Variants in MSRB3 observed in about 807,000 individuals in gnomAD.
MSRB3 encodes the protein methionine-R-sulfoxide reductase B3.
Under a neutral mutation model 21.0 loss-of-function variants are expected in MSRB3, and 13 were observed. The observed-to-expected ratio is 0.62, with a 90% confidence interval of 0.40 to 0.98. MSRB3 has a LOEUF of 0.98. Ranked by LOEUF, MSRB3 falls within the 50% of genes least tolerant of loss-of-function variation. MSRB3 has a pLI of 0.00. For missense variants in MSRB3, 199 were observed against 230.3 expected (o/e 0.86, Z 0.88); for synonymous variants, 87 against 88.6 (o/e 0.98, Z 0.10).
At position 65,429,793 on chromosome 12, in the gene MSRB3, A is replaced by G. The variant is rs17765614; in HGVS notation, c.293-23935A>G. 9.1e-3 allele frequency among the ~76,000 whole-genome samples: 1,382 copies of G among 152,288 alleles called. 9 individuals are homozygous for G. The highest frequency in any genetic ancestry group is 0.011 in the Non-Finnish European group (780 of 68,006). ...TCATAATGAATTCAGGATGATGTGA[A>G]TGATGATTGCAGAGGAACTGGATAT... On this transcript the variant is annotated intron_variant, in intron 5 of 6. Coordinates refer to ENST00000308259, the MANE Select transcript of MSRB3 (RefSeq NM_001031679.3).
At chr12:65,433,365 G>GA (rs1189275028) in intron 5 of MSRB3, among the ~76,000 whole-genome samples, 3 of 151,622 alleles carry the variant, frequency 2.0e-5, no homozygotes, top group African/African-American at 7.3e-5. Context: ...AAAACTTCCA[G>GA]AAAAAAACTT....
At chr12:65,432,064 A>C (rs1881902108) in intron 5 of MSRB3, among the ~76,000 whole-genome samples, 1 of 152,032 alleles carries the variant, frequency 6.6e-6, no homozygotes, top group Admixed American at 6.6e-5. Flanking sequence ...GTTATATATT[A>C]TTTGTATTAT....
intron 4 of MSRB3, among the ~76,000 whole-genome samples, chr12:65,334,468 A>G (rs1410092755): frequency 1.3e-5 from 2 of 152,230 alleles, no homozygotes; most frequent in African/African-American, 4.8e-5. Context: ...TTAATATTTT[A>G]TTTTAGTCAC....
chr12:65,323,090 A>G (rs1276836575), intron 2 of MSRB3, among the ~76,000 whole-genome samples: 1 of 152,206 alleles, frequency 6.6e-6, no homozygotes, highest in African/African-American at 2.4e-5. Flanking sequence ...CTCAGAATTC[A>G]CTGTAATCAA....
At chr12:65,310,222 C>A (rs1199148537) in intron 2 of MSRB3, among the ~76,000 whole-genome samples, 1 of 152,028 alleles carries the variant, frequency 6.6e-6, no homozygotes, top group East Asian at 1.9e-4. Flanking sequence ...TCAGTATGCC[C>A]CCTAGCCCCA....
intron 5 of MSRB3, among the ~76,000 whole-genome samples, chr12:65,385,376 G>A (rs989144490): frequency 6.6e-6 from 1 of 151,868 alleles, no homozygotes; most frequent in African/African-American, 2.4e-5. Context: ...TATTATTTGC[G>A]TATTTATTCA....
chr12:65,437,009 G>A (rs1882149138), intron 5 of MSRB3, among the ~76,000 whole-genome samples: 1 of 151,868 alleles, frequency 6.6e-6, no homozygotes, highest in Admixed American at 6.6e-5. Context: ...TAAATGTAAA[G>A]CACTTAGCAT....
intron 5 of MSRB3, among the ~76,000 whole-genome samples, chr12:65,420,724 C>T (rs748780398): frequency 7.2e-5 from 11 of 152,148 alleles, no homozygotes; most frequent in South Asian, 4.1e-4. Flanking sequence ...TGAGAACGTG[C>T]AGTATTTGGT....
intron 4 of MSRB3, among the ~76,000 whole-genome samples, chr12:65,349,226 A>G (rs1251657456): frequency 2.0e-5 from 3 of 152,116 alleles, no homozygotes; most frequent in Admixed American, 6.6e-5. Context: ...TGCCCCTACA[A>G]AGGACATGAA....
intron 5 of MSRB3, among the ~76,000 whole-genome samples, chr12:65,406,875 C>T (rs1880442288): frequency 1.3e-5 from 2 of 152,138 alleles, no homozygotes; most frequent in Admixed American, 6.5e-5. Context: ...TTTTGTGTTA[C>T]ACTGTGTGAG....
rs149258390 is a variant in MSRB3, at chr12:65,308,634, C to A, written c.55C>A (p.Arg19=). ...LVTKSQPVAL[R]ACGLPSGSCR... ...GACAAAGAGCCAGCCAGTAGCCCTT[C>A]GAGCCTGTGGGCTTCCCTCAGGTTG... Residue 19 remains arginine, a synonymous_variant, in exon 2 of 7, where the codon CGA becomes AGA. Coordinates refer to ENST00000308259, the MANE Select transcript of MSRB3 (RefSeq NM_001031679.3). 1 of 1,613,954 alleles carries A rather than the reference C, an allele frequency of 6.2e-7. No homozygotes were observed. The highest frequency in any genetic ancestry group is 8.5e-7 in the Non-Finnish European group (1 of 1,179,888).
At chr12:65,456,414 T>C (rs930581719) in intron 6 of MSRB3, among the ~76,000 whole-genome samples, 3 of 152,224 alleles carry the variant, frequency 2.0e-5, no homozygotes, top group Non-Finnish European at 4.4e-5. Flanking sequence ...GCCAGTCACA[T>C]AGATAACATC....
chr12:65,306,989 T>C, intron 1 of MSRB3: 1 of 985,870 alleles, frequency 1.0e-6, no homozygotes, highest in Non-Finnish European at 1.2e-6. Flanking sequence ...CGTTTTATGG[T>C]CAGCTGTGGA....
chr12:65,317,366 G>A (rs1035522188), intron 2 of MSRB3, among the ~76,000 whole-genome samples: 5 of 152,066 alleles, frequency 3.3e-5, no homozygotes, highest in Admixed American at 1.3e-4. Flanking sequence ...TTATAGTTTG[G>A]CCACTTTCTC....
At chr12:65,316,703 T>G (rs763526378) in intron 2 of MSRB3, among the ~76,000 whole-genome samples, 1 of 152,140 alleles carries the variant, frequency 6.6e-6, no homozygotes, top group Non-Finnish European at 1.5e-5. Context: ...GGTTCAAATT[T>G]TATTATCTAT....
intron 5 of MSRB3, among the ~76,000 whole-genome samples, chr12:65,395,183 C>T (rs1879710108): frequency 6.6e-6 from 1 of 152,030 alleles, no homozygotes; most frequent in Admixed American, 6.6e-5. Flanking sequence ...ATAGAAAATC[C>T]TGGCTGGGCA....
intron 1 of MSRB3, among the ~76,000 whole-genome samples, chr12:65,297,837 AGG>A (rs1565820141): frequency 6.6e-6 from 1 of 152,176 alleles, no homozygotes; most frequent in Non-Finnish European, 1.5e-5. Context: ...GACCAATAAG[AGG>A]CCATTACTTA....
intron 3 of MSRB3, 56 bp from the exon 4 acceptor site, chr12:65,328,470 A>G: frequency 8.0e-7 from 1 of 1,248,220 alleles, no homozygotes; most frequent in Non-Finnish European, 1.2e-6. Context: ...AAGCAAATAC[A>G]TTCTGTAAGA....
intron 5 of MSRB3, among the ~76,000 whole-genome samples, chr12:65,415,310 GAA>G (rs1417903434): frequency 6.6e-6 from 1 of 152,100 alleles, no homozygotes; most frequent in Admixed American, 6.5e-5. Flanking sequence ...CTCAGGAGAG[GAA>G]TTTCTTTCCA....
Sources: gnomAD v4.1 joint callset for allele counts (sites outside exome capture counted in the v4.1 genomes callset) on GRCh38, gnomAD v4.1.1 for gene constraint, MANE v1.5 for transcripts, NCBI Gene and HGNC (gene_info 2026-07-23, HGNC 2026-07-21) for gene names.